The following KCNB2 variants were observed in gnomAD, a reference collection of about 807,000 sequenced individuals.
KCNB2 encodes the protein potassium voltage-gated channel subfamily B member 2.
In KCNB2, 15 loss-of-function variants were observed where a neutral mutation model predicts 61.5. The ratio of observed to expected loss-of-function variants is 0.24; its 90% CI spans 0.16 to 0.38. The LOEUF (loss-of-function observed/expected upper bound fraction) is 0.38. KCNB2 is among the 10% of genes least tolerant of loss of function. The probability of loss-of-function intolerance (pLI) is 1.00; values close to 1 mark genes in which losing one functional copy is unlikely to be tolerated. For synonymous variants in KCNB2, 457 were observed against 446.0 expected (o/e 1.02, Z -0.31); for missense variants, 828 against 1,125.2 (o/e 0.74, Z 3.78).
rs910011251 is a variant in KCNB2 at position 72,917,300 on chromosome 8, C to T, written c.580-18635C>T. On this transcript the variant is annotated intron_variant, in intron 2 of 2. Transcript: ENST00000523207. ...TTGAATTTAGCACCAAATAAACTTC[C>T]AGTGGAATGAGAAAGTAAATACTAT... is the stretch of plus-strand genomic sequence containing the variant. Among the ~76,000 whole-genome samples the T allele has an allele frequency of 2.6e-5, 4 of 152,178 alleles. No homozygotes were observed. In the South Asian group the frequency reaches 8.3e-4, roughly 32 times the overall value.
At chr8:72,648,991 C>T (rs915583986) in intron 2 of KCNB2, among the ~76,000 whole-genome samples, 1 of 151,974 alleles carries the variant, frequency 6.6e-6, no homozygotes, top group Non-Finnish European at 1.5e-5. Flanking sequence ...TCTTGGATTG[C>T]ATACTTTTCT....
intron 2 of KCNB2, among the ~76,000 whole-genome samples, chr8:72,662,438 A>G (rs899285899): frequency 2.6e-4 from 40 of 152,270 alleles, no homozygotes; most frequent in Admixed American, 2.0e-3. Context: ...CTAGGTAATG[A>G]TAATATCGCA....
chr8:72,902,660 A>C (rs1806109353), intron 2 of KCNB2, among the ~76,000 whole-genome samples: 1 of 152,172 alleles, frequency 6.6e-6, no homozygotes, highest in African/African-American at 2.4e-5. Context: ...ATAATCATTA[A>C]ATGAACAACT....
chr8:72,625,103 G>T (rs552108519), intron 2 of KCNB2, among the ~76,000 whole-genome samples: 5 of 152,192 alleles, frequency 3.3e-5, no homozygotes, highest in African/African-American at 1.2e-4. Flanking sequence ...ACTAGCGGGA[G>T]ACCCAGTGAA....
chr8:72,589,222 A>G (rs1585769671), intron 2 of KCNB2, among the ~76,000 whole-genome samples: 1 of 152,200 alleles, frequency 6.6e-6, no homozygotes, highest in African/African-American at 2.4e-5. Context: ...TGCAGATCAT[A>G]TAGAATGAAT....
chr8:72,812,091 G>A (rs895892205), intron 2 of KCNB2, among the ~76,000 whole-genome samples: 1 of 151,958 alleles, frequency 6.6e-6, no homozygotes, highest in Non-Finnish European at 1.5e-5. Context: ...GTGAAATCCC[G>A]TCTCTACTAA....
chr8:72,794,289 G>C (rs947208310), intron 2 of KCNB2, among the ~76,000 whole-genome samples: 1 of 152,080 alleles, frequency 6.6e-6, no homozygotes, highest in African/African-American at 2.4e-5. Context: ...AATGGTGGCC[G>C]GACACGGTGG....
chr8:72,788,273 G>A (rs1808875150), intron 2 of KCNB2, among the ~76,000 whole-genome samples: 1 of 152,178 alleles, frequency 6.6e-6, no homozygotes, highest in South Asian at 2.1e-4. Flanking sequence ...TCTGGAGGGT[G>A]GAAGTCCAAA....
intron 2 of KCNB2, among the ~76,000 whole-genome samples, chr8:72,590,968 C>A (rs1807088971): frequency 1.3e-5 from 2 of 152,106 alleles, no homozygotes; most frequent in African/African-American, 4.8e-5. Flanking sequence ...TGACATTTAA[C>A]AAAGGACTAA....
intron 2 of KCNB2, among the ~76,000 whole-genome samples, chr8:72,579,928 G>T (rs887526408): frequency 3.3e-5 from 5 of 152,222 alleles, no homozygotes; most frequent in Non-Finnish European, 5.9e-5. Context: ...GAAGTGAAAA[G>T]CACTTTCTCA....
intron 2 of KCNB2, among the ~76,000 whole-genome samples, chr8:72,643,991 A>G (rs907330254): frequency 4.6e-5 from 7 of 152,186 alleles, no homozygotes; most frequent in African/African-American, 7.2e-5. Context: ...TCAGTAGGTT[A>G]TAGTGCTTTG....
At chr8:72,768,741 A>G (rs1808503153) in intron 2 of KCNB2, among the ~76,000 whole-genome samples, 1 of 152,174 alleles carries the variant, frequency 6.6e-6, no homozygotes, top group Admixed American at 6.6e-5. Flanking sequence ...TTTTATGTAT[A>G]GCATAAGGAA....
At chr8:72,914,731 A>AACT (rs1806360562) in intron 2 of KCNB2, among the ~76,000 whole-genome samples, 2 of 152,212 alleles carry the variant, frequency 1.3e-5, no homozygotes, top group South Asian at 4.1e-4. Flanking sequence ...CTATTGAGAT[A>AACT]CAGACTTAAT....
intron 2 of KCNB2, among the ~76,000 whole-genome samples, chr8:72,791,515 C>T (rs970180048): frequency 6.6e-6 from 1 of 152,116 alleles, no homozygotes; most frequent in African/African-American, 2.4e-5. Context: ...GGACACTGCA[C>T]TCTATCCTGG....
chr8:72,859,584 C>G (rs1472213283), intron 2 of KCNB2, among the ~76,000 whole-genome samples: 1 of 151,918 alleles, frequency 6.6e-6, no homozygotes, highest in Non-Finnish European at 1.5e-5. Context: ...CTAGATTTGC[C>G]TATTCTCGGC....
chr8:72,582,888 G>A (rs868158067), intron 2 of KCNB2, among the ~76,000 whole-genome samples: 32 of 152,094 alleles, frequency 2.1e-4, no homozygotes, highest in African/African-American at 7.2e-4. Flanking sequence ...CCAAAATGCT[G>A]GGATTACAGG....
intron 1 of KCNB2, among the ~76,000 whole-genome samples, chr8:72,555,218 G>A (rs1440135538): frequency 6.6e-6 from 1 of 151,880 alleles, no homozygotes; most frequent in African/African-American, 2.4e-5. Flanking sequence ...GGAGGGATGA[G>A]AAATAATGAG....
At chr8:72,647,306 T>C (rs1307076917) in intron 2 of KCNB2, among the ~76,000 whole-genome samples, 2 of 152,160 alleles carry the variant, frequency 1.3e-5, no homozygotes, top group African/African-American at 4.8e-5. Flanking sequence ...TCCTGATGAA[T>C]TCCTGCTATT....
intron 2 of KCNB2, among the ~76,000 whole-genome samples, chr8:72,793,024 G>A (rs1209121598): frequency 6.6e-6 from 1 of 152,166 alleles, no homozygotes; most frequent in Non-Finnish European, 1.5e-5. Context: ...CCTGTGACTA[G>A]CTAGACAATT....
Sources: allele counts gnomAD v4.1 joint callset (sites outside exome capture counted in the v4.1 genomes callset), GRCh38; gene constraint gnomAD v4.1.1; transcripts MANE v1.5; gene names NCBI Gene and HGNC (gene_info 2026-07-23, HGNC 2026-07-21).